HVCN1: variants seen among roughly 807,000 people sequenced by gnomAD.
HVCN1 encodes the protein hydrogen voltage gated channel 1.
A neutral mutation model predicts 29.2 loss-of-function variants in HVCN1; 14 were observed. That is an observed-to-expected ratio of 0.48 (90% CI 0.32 to 0.75). The LOEUF is 0.75. HVCN1 is among the 30% of genes least tolerant of loss of function. The probability of loss-of-function intolerance (pLI) is 0.04; values close to 1 mark genes in which losing one functional copy is unlikely to be tolerated. For synonymous variants in HVCN1, 131 were observed against 133.2 expected (o/e 0.98, Z 0.11); for missense variants, 263 against 341.8 (o/e 0.77, Z 1.82).
intron 3 of HVCN1, among the ~76,000 whole-genome samples, chr12:110,679,746 G>C (rs976205157): frequency 1.3e-5 from 2 of 152,064 alleles, no homozygotes; most frequent in African/African-American, 4.8e-5. Context: ...CCAGCTACTC[G>C]GGAGGCTGAG....
intron 5 of HVCN1, among the ~76,000 whole-genome samples, chr12:110,654,635 C>T (rs550777429): frequency 3.9e-5 from 6 of 152,096 alleles, no homozygotes; most frequent in Non-Finnish European, 7.4e-5. Flanking sequence ...CATGCCACCA[C>T]GCCCAGCTAC....
intron 3 of HVCN1, 90 bp downstream of exon 3, chr12:110,683,135 G>A: frequency 6.5e-7 from 1 of 1,529,652 alleles, no homozygotes; most frequent in South Asian, 1.1e-5. Flanking sequence ...TGAACAGGGA[G>A]TTCTCCCTCT....
rs145842312 is a variant in HVCN1 at position 110,653,914 on chromosome 12, G to A, written c.411+1320C>T. On this transcript the variant is annotated intron_variant, in intron 5 of 7. Transcript: ENST00000242607. ...GGACTATTGATCTTATTTTAGATCT[G>A]ATGGTGCTCTTATGGCTCCATGGGA... 2.8e-3 allele frequency among the ~76,000 whole-genome samples: 432 copies of A among 152,314 alleles called. 1 individual carries two copies. Among genetic ancestry groups the A allele is most frequent in the Non-Finnish European group, 4.9e-3 (330 of 68,030 alleles).
upstream of HVCN1, among the ~76,000 whole-genome samples, chr12:110,693,845 A>G (rs2069450510): frequency 6.6e-6 from 1 of 152,240 alleles, no homozygotes; most frequent in South Asian, 2.1e-4. Flanking sequence ...TACTCTTGGA[A>G]GAGGTCCAGA....
intron 2 of HVCN1, among the ~76,000 whole-genome samples, chr12:110,701,857 AAAAAC>A (rs926400144): frequency 2.1e-4 from 32 of 150,268 alleles, no homozygotes; most frequent in Non-Finnish European, 2.1e-4. Flanking sequence ...ACTCTGTCTC[AAAAAC>A]AAAACAAAAC....
intron 2 of HVCN1, among the ~76,000 whole-genome samples, chr12:110,684,257 G>A (rs1212799431): frequency 6.6e-6 from 1 of 151,854 alleles, no homozygotes; most frequent in Non-Finnish European, 1.5e-5. Context: ...GAAAAACAGT[G>A]AAAATGTTCT....
At position 110,661,024 on chromosome 12, in the gene HVCN1, C is replaced by T; in HGVS notation, c.306+140G>A. ...GCATTCCCAGCACGGTACAGGGTCC[C>T]CGGCACGTGGTAGGTGCTGGGCAAA... is the stretch of plus-strand genomic sequence containing the variant. On this transcript the variant is annotated intron_variant, in intron 4 of 7. Transcript: ENST00000242607. This position sits in a 1 kb window ranked among gnomAD's most constrained non-coding sequence, Gnocchi z 6.2. The T allele has an allele frequency of 1.2e-6, 1 of 804,990 alleles. No homozygotes were observed. Among genetic ancestry groups the T allele is most frequent in the South Asian group, 1.7e-5 (1 of 58,840 alleles). 49.9% of individuals were successfully genotyped at this position (804,990 alleles called of 1,614,324 possible).
intron 1 of HVCN1, among the ~76,000 whole-genome samples, chr12:110,703,930 C>T (rs1222290206): frequency 6.6e-6 from 1 of 152,150 alleles, no homozygotes; most frequent in Non-Finnish European, 1.5e-5. Flanking sequence ...TGTGATCTGC[C>T]CACCTCGGCC....
At chr12:110,696,929 T>A (rs1299593890) in intron 2 of HVCN1, among the ~76,000 whole-genome samples, 1 of 151,770 alleles carries the variant, frequency 6.6e-6, no homozygotes, top group Non-Finnish European at 1.5e-5. Flanking sequence ...AGAGGAGAGA[T>A]AAGGATGGCT....
intron 2 of HVCN1, among the ~76,000 whole-genome samples, chr12:110,695,607 A>G (rs1002005377): frequency 1.3e-5 from 2 of 152,216 alleles, no homozygotes; most frequent in South Asian, 4.1e-4. Context: ...GGTGGAGATA[A>G]CAAAAGGTGG....
chr12:110,666,089 G>T (rs1174771087), intron 3 of HVCN1, among the ~76,000 whole-genome samples: 1 of 151,624 alleles, frequency 6.6e-6, no homozygotes, highest in African/African-American at 2.4e-5. Flanking sequence ...AAAAATCACT[G>T]GATGGGCTTA....
At chr12:110,699,021 G>A (rs969534091) in intron 2 of HVCN1, among the ~76,000 whole-genome samples, 1 of 152,182 alleles carries the variant, frequency 6.6e-6, no homozygotes, top group African/African-American at 2.4e-5. Context: ...CCAGCCAGTC[G>A]GGAGGCTGAG....
intron 3 of HVCN1, among the ~76,000 whole-genome samples, chr12:110,668,399 G>A (rs1375592454): frequency 6.6e-6 from 1 of 152,102 alleles, no homozygotes; most frequent in African/African-American, 2.4e-5. Flanking sequence ...CAGCTACTTG[G>A]GAGGCTGAGG....
intron 4 of HVCN1, among the ~76,000 whole-genome samples, chr12:110,659,661 G>A (rs989422752): frequency 1.3e-5 from 2 of 152,188 alleles, no homozygotes; most frequent in Non-Finnish European, 2.9e-5. Context: ...GCTCACGCCT[G>A]TAATCACAGC....
intron 3 of HVCN1, among the ~76,000 whole-genome samples, chr12:110,680,659 G>A (rs1408784464): frequency 2.0e-5 from 3 of 152,192 alleles, no homozygotes; most frequent in Non-Finnish European, 4.4e-5. Flanking sequence ...GCTCATGCCT[G>A]TAATTCTAGC....
chr12:110,652,658 C>A (rs928278655), intron 5 of HVCN1, among the ~76,000 whole-genome samples: 1 of 152,164 alleles, frequency 6.6e-6, no homozygotes, highest in African/African-American at 2.4e-5. Flanking sequence ...CACATACACC[C>A]ATGCACACAT....
Position 110,676,962 on chromosome 12 carries a change from A to T in HVCN1, c.21+6263T>A, listed in dbSNP as rs141682927. ...AGTCACTCACACCTGTAATCCCAGC[A>T]CTTTGGGAGGCTGAGGGGGATCACT... On this transcript the variant is annotated intron_variant, in intron 3 of 7. Transcript: ENST00000242607. This position sits in a 1 kb window ranked among gnomAD's most constrained non-coding sequence, Gnocchi z 4.1. Among the ~76,000 whole-genome samples the T allele has an allele frequency of 9.9e-4, 150 of 152,198 alleles. 1 individual carries two copies. Among genetic ancestry groups the T allele is most frequent in the Non-Finnish European group, 1.6e-3 (111 of 67,998 alleles).
At chr12:110,682,135 G>A (rs2069001353) in intron 3 of HVCN1, among the ~76,000 whole-genome samples, 2 of 152,094 alleles carry the variant, frequency 1.3e-5, no homozygotes, top group Non-Finnish European at 1.5e-5. Flanking sequence ...TTAGAGGTGT[G>A]TGTCAGGATG....
chr12:110,661,277 C>T lies in HVCN1; in HGVS notation c.193G>A (p.Glu65Lys), dbSNP rs948351485. 9 of 1,614,232 alleles carry T rather than the reference C, an allele frequency of 5.6e-6. No individual in the cohort carries two copies. The highest frequency in any genetic ancestry group is 1.7e-5 in the Admixed American group (1 of 60,032). ...EQPPPTPVSG[E>K]EGRAAAPDVA... is the part of the protein sequence containing the mutation. ...TCAGGGGCTGCAGCTCTGCCTTCCT[C>T]GCCTGAGACTGGTGTGGGTGGTGGC... Residue 65 changes from glutamate to lysine, a missense_variant, in exon 4 of 8, where the codon GAG becomes AAG. Transcript: ENST00000242607. The surrounding 1 kb of genome is among the most constrained non-coding windows in gnomAD (Gnocchi z 6.2).
Sources: allele counts gnomAD v4.1 joint callset (sites outside exome capture counted in the v4.1 genomes callset), GRCh38; gene constraint gnomAD v4.1.1; non-coding constraint Gnocchi (gnomAD v3.1); transcripts MANE v1.5; gene names NCBI Gene and HGNC (gene_info 2026-07-23, HGNC 2026-07-21).